GPR19: variants seen among roughly 807,000 people sequenced by gnomAD.
GPR19 encodes the protein probable G protein-coupled receptor 19.
A neutral mutation model predicts 28.5 loss-of-function variants in GPR19; 14 were observed. The observed-to-expected ratio is 0.49, with a 90% CI of 0.32 to 0.77. GPR19 has a LOEUF of 0.77. GPR19 is among the 30% of genes least tolerant of loss of function. GPR19 has a pLI of 0.03. For missense variants in GPR19, 409 were observed against 504.1 expected, an observed-to-expected ratio of 0.81 and a Z score of 1.81; for synonymous variants, 173 against 184.1, an observed-to-expected ratio of 0.94 and a Z score of 0.49.
intron 2 of GPR19, among the ~76,000 whole-genome samples, chr12:12,684,727 G>A (rs952610609): frequency 6.6e-6 from 1 of 152,124 alleles, no homozygotes; most frequent in Non-Finnish European, 1.5e-5. Context: ...TCTCTGTCTT[G>A]ATTGGCTCAG....
the GPR19 span, among the ~76,000 whole-genome samples, chr12:12,704,082 T>C: frequency 2.6e-5 from 4 of 152,282 alleles, no homozygotes; most frequent in African/African-American, 9.6e-5. Context: ...AGGATCAAGT[T>C]TAGGTTGTTA....
chr12:12,700,664 C>T (rs1170059716), upstream of GPR19, among the ~76,000 whole-genome samples: 2 of 152,130 alleles, frequency 1.3e-5, no homozygotes, highest in African/African-American at 4.8e-5. Flanking sequence ...TTCCCTCTGA[C>T]ACTTGTACTC....
chr12:12,686,912 C>G (rs2136333418), intron 2 of GPR19, among the ~76,000 whole-genome samples: 1 of 152,256 alleles, frequency 6.6e-6, no homozygotes, highest in African/African-American at 2.4e-5. Flanking sequence ...TTAAAATCAT[C>G]TTGTAAGGAG....
chr12:12,707,630 C>T, the GPR19 span, among the ~76,000 whole-genome samples: 5 of 152,292 alleles, frequency 3.3e-5, no homozygotes, highest in South Asian at 8.3e-4. Context: ...AAAATGTTCT[C>T]CTTTATGTCT....
upstream of GPR19, among the ~76,000 whole-genome samples, chr12:12,696,494 CGAA>C (rs920280040): frequency 3.3e-4 from 50 of 152,188 alleles, no homozygotes; most frequent in Middle Eastern, 3.4e-3. Context: ...AGGAATTCCA[CGAA>C]GAAGATCTCT....
chr12:12,717,115 T>G, the GPR19 span: 8 of 1,015,818 alleles, frequency 7.9e-6, no homozygotes, highest in Non-Finnish European at 9.4e-6. Context: ...CTAGTTTGTT[T>G]GTCTTAATTT....
rs139975285 is a variant in GPR19 at position 12,693,739 on chromosome 12, A to G, written c.-180+1720T>C. Among the ~76,000 whole-genome samples, 583 of 152,266 alleles carry G rather than the reference A, an allele frequency of 3.8e-3. 2 individuals are homozygous for G. Among genetic ancestry groups the G allele is most frequent in the Admixed American group, 6.5e-3 (99 of 15,298 alleles). ...GTTTTCCAAAACGGAGTCTTGCTCTATCACCTAGGCTGGAGTGCAGTGGCA... is the reference window on the plus strand; with the variant it reads ...GTTTTCCAAAACGGAGTCTTGCTCTGTCACCTAGGCTGGAGTGCAGTGGCA... On this transcript the variant is annotated intron_variant, in intron 2 of 3. Coordinates refer to ENST00000651487, the MANE Select transcript of GPR19 (RefSeq NM_006143.3).
chr12:12,673,743 G>A (rs1026135057), intron 3 of GPR19, among the ~76,000 whole-genome samples: 1 of 152,134 alleles, frequency 6.6e-6, no homozygotes, highest in African/African-American at 2.4e-5. Flanking sequence ...TGATATAACC[G>A]GAAAGGTGGG....
Position 12,661,652 on chromosome 12 carries a change from A to T in GPR19, c.797T>A (p.Ile266Asn). Residue 266 changes from isoleucine (I) to asparagine (N), a missense_variant, in exon 4 of 4, where the codon ATT becomes AAT. By Grantham distance (149) the Ile-to-Asn change is moderately radical (BLOSUM62 -3). Transcript: ENST00000651487. The surrounding 1 kb of genome is among the most constrained non-coding windows in gnomAD (Gnocchi z 4.2). ...AGTTTTCACTTTTGTCCGAGGGACA[A>T]TGTTCATTGTCCTCCTCACCGTTCG... ...DGRTVRRTMN[I>N]VPRTKVKTIK... is the part of the protein sequence containing the mutation. The T allele has an allele frequency of 6.2e-7, 1 of 1,613,968 alleles. No individual in the cohort carries two copies. Among genetic ancestry groups the T allele is most frequent in the African/African-American group, 1.3e-5 (1 of 75,050 alleles).
upstream of GPR19, among the ~76,000 whole-genome samples, chr12:12,699,402 C>T (rs186151440): frequency 1.6e-4 from 24 of 152,206 alleles, no homozygotes; most frequent in Admixed American, 1.0e-3. Context: ...TGTATGAATC[C>T]CTAATAAGCC....
At chr12:12,702,632 C>T in the GPR19 span, among the ~76,000 whole-genome samples, 4 of 152,096 alleles carry the variant, frequency 2.6e-5, no homozygotes, top group Non-Finnish European at 5.9e-5. Context: ...CTATTTTAAA[C>T]CAGTTTTCAT....
intron 2 of GPR19, among the ~76,000 whole-genome samples, chr12:12,692,169 C>T (rs1946190685): frequency 6.6e-6 from 1 of 152,212 alleles, no homozygotes; most frequent in African/African-American, 2.4e-5. Flanking sequence ...CTGTACCTCA[C>T]AGGTATTAAA....
chr12:12,702,197 A>C, the GPR19 span, among the ~76,000 whole-genome samples: 2 of 151,918 alleles, frequency 1.3e-5, no homozygotes, highest in African/African-American at 4.8e-5. Context: ...AGGCACAACT[A>C]AATATTTGTT....
In GPR19 at chr12:12,661,585, G is replaced by A; in HGVS notation, c.864C>T (p.Ser288=). Residue 288 remains serine, a synonymous_variant, in exon 4 of 4, where the codon TCC becomes TCT. Transcript: ENST00000651487. The surrounding 1 kb of genome is among the most constrained non-coding windows in gnomAD (Gnocchi z 4.2). The part of the protein sequence containing the change: ...FLILNLLFLL[S]WLPFHVAQLW... The stretch of plus-strand genomic sequence containing the variant: ...GCTGAGCTACATGAAAAGGCAGCCA[G>A]GAGAGCAAAAACAACAGATTTAAAA... 4 of 1,614,116 alleles carry A rather than the reference G, an allele frequency of 2.5e-6. No homozygotes were observed. The highest frequency in any genetic ancestry group is 3.4e-6 in the Non-Finnish European group (4 of 1,179,990).
At chr12:12,680,153 C>G (rs1455000948) in intron 3 of GPR19, among the ~76,000 whole-genome samples, 2 of 151,990 alleles carry the variant, frequency 1.3e-5, no homozygotes, top group East Asian at 1.9e-4. Context: ...TTGTATTACT[C>G]TAATATCCAA....
chr12:12,700,161 T>TTCTC (rs10689575), upstream of GPR19, among the ~76,000 whole-genome samples: 116,889 of 145,524 alleles, frequency 0.8, 45,490 homozygotes, highest in Admixed American at 0.84. Context: ...CTCTCTTTCT[T>TTCTC]TCTCTCTCTC....
chr12:12,700,161 T>TTCTCTC (rs10689575), upstream of GPR19, among the ~76,000 whole-genome samples: 63 of 145,636 alleles, frequency 4.3e-4, no homozygotes, highest in African/African-American at 1.2e-3. Context: ...CTCTCTTTCT[T>TTCTCTC]TCTCTCTCTC....
chr12:12,672,248 G>A (rs563633301), intron 3 of GPR19, among the ~76,000 whole-genome samples: 29 of 152,302 alleles, frequency 1.9e-4, no homozygotes, highest in African/African-American at 5.5e-4. Context: ...GTTAGGTCGT[G>A]TTGGCATCTC....
At chr12:12,667,371 G>A (rs1466224620) in intron 3 of GPR19, among the ~76,000 whole-genome samples, 2 of 152,082 alleles carry the variant, frequency 1.3e-5, no homozygotes, top group Non-Finnish European at 2.9e-5. Flanking sequence ...ACATGAGTGG[G>A]GAAAATGGTA....
Sources: gnomAD v4.1 joint callset for allele counts (sites outside exome capture counted in the v4.1 genomes callset) on GRCh38, gnomAD v4.1.1 for gene constraint, Gnocchi (gnomAD v3.1) non-coding constraint, MANE v1.5 for transcripts, NCBI Gene and HGNC (gene_info 2026-07-23, HGNC 2026-07-21) for gene names.